CRBN: variants seen among roughly 807,000 people sequenced by gnomAD.
CRBN encodes the protein cereblon.
Under a neutral mutation model 62.2 loss-of-function variants are expected in CRBN, and 53 were observed. That is an observed-to-expected ratio of 0.85 (90% confidence interval 0.68 to 1.07). CRBN has a LOEUF of 1.07. CRBN is among the 50% of genes least tolerant of loss of function. CRBN has a pLI of 0.00. For synonymous variants in CRBN, 208 were observed against 176.1 expected (o/e 1.18, Z -1.43); for missense variants, 616 against 531.1 (o/e 1.16, Z -1.57).
chr3:3,162,589 A>G (rs149581057), intron 5 of CRBN, among the ~76,000 whole-genome samples: 37 of 152,352 alleles, frequency 2.4e-4, no homozygotes, highest in African/African-American at 7.0e-4. Context: ...AGAAGCTTAA[A>G]TAATTTTATT....
chr3:3,167,623 T>TA lies in CRBN; in HGVS notation c.687+10dup. On this transcript the variant is annotated intron_variant, in intron 5 of 10. Transcript: ENST00000231948. Reference sequence around the variant, plus strand: ...CATTTTTTGAAGATGCATAAAAAATTAGTTTCTCACCTTCTGGTATTTCTG... The same window carrying TA: ...CATTTTTTGAAGATGCATAAAAAATTAAGTTTCTCACCTTCTGGTATTTCTG... 1 of 1,611,480 alleles carries TA rather than the reference T, an allele frequency of 6.2e-7. No individual in the cohort carries two copies. The highest frequency in any genetic ancestry group is 2.2e-5 in the East Asian group (1 of 44,748).
rs750807009 is a variant in CRBN, at chr3:3,152,577, A to G, written c.1027T>C (p.Cys343Arg). 1 of 1,614,124 alleles carries G rather than the reference A, an allele frequency of 6.2e-7. No individual in the cohort carries two copies. The highest frequency in any genetic ancestry group is 8.5e-7 in the Non-Finnish European group (1 of 1,180,010). ...TTCACATAAGCTGCCATCGGCCCAC[A>G]TAAGGATAAACTAAAACAAAGAATC... ...TKNEIFSLSL[C>R]GPMAAYVNPH... The change falls in exon 10 of 11, where the codon TGT becomes CGT. Residue 343 changes from cysteine to arginine, a missense_variant. By Grantham distance (180) the Cys-to-Arg change is radical. Transcript: ENST00000231948.
At chr3:3,167,405 A>T (rs911558071) in intron 5 of CRBN, 3 of 461,854 alleles carry the variant, frequency 6.5e-6, no homozygotes, top group South Asian at 2.5e-5. Context: ...ATAGCTGATA[A>T]GCATAATAAC....
At chr3:3,175,019 T>C (rs1376737560) in intron 2 of CRBN, 144 bp downstream of exon 2, 1 of 599,838 alleles carries the variant, frequency 1.7e-6, no homozygotes, top group African/African-American at 2.0e-5. Context: ...TACAGTTAAA[T>C]GTTTATCTAC....
intron 4 of CRBN, 129 bp downstream of exon 4, chr3:3,172,647 C>T: frequency 1.0e-6 from 1 of 969,594 alleles, no homozygotes; most frequent in Non-Finnish European, 1.6e-6. Flanking sequence ...TGGGCTATAC[C>T]TTAGAAGGGA....
At chr3:3,165,828 G>A (rs1166097856) in intron 5 of CRBN, among the ~76,000 whole-genome samples, 1 of 152,084 alleles carries the variant, frequency 6.6e-6, no homozygotes, top group Non-Finnish European at 1.5e-5. Context: ...ATATTCAGAT[G>A]ACACATAGGG....
chr3:3,165,049 G>T (rs1374992533), intron 5 of CRBN, among the ~76,000 whole-genome samples: 5 of 152,106 alleles, frequency 3.3e-5, no homozygotes, highest in African/African-American at 1.2e-4. Context: ...GATTTTGAGG[G>T]TTTCAAGCCT....
intron 6 of CRBN, 147 bp from the exon 7 acceptor site, chr3:3,154,978 T>C (rs1706818571): frequency 3.1e-6 from 2 of 653,464 alleles, no homozygotes; most frequent in African/African-American, 1.8e-5. Context: ...CATTTTCGTA[T>C]GCAGCAATGA....
intron 10 of CRBN, among the ~76,000 whole-genome samples, chr3:3,151,311 C>T (rs113024996): frequency 6.6e-5 from 10 of 152,090 alleles, no homozygotes; most frequent in Admixed American, 6.5e-5. Flanking sequence ...TTAAGAATTT[C>T]TTTATAGAAA....
chr3:3,163,800 C>G (rs7631493), intron 5 of CRBN, among the ~76,000 whole-genome samples: 1 of 152,160 alleles, frequency 6.6e-6, no homozygotes, highest in Admixed American at 6.5e-5. Context: ...CTGTGATTCA[C>G]AGATACTGCC....
chr3:3,161,507 G>A (rs1237067289), intron 5 of CRBN, among the ~76,000 whole-genome samples: 1 of 152,138 alleles, frequency 6.6e-6, no homozygotes, highest in African/African-American at 2.4e-5. Context: ...TCCTGCCTCA[G>A]CGTCCCAAGT....
chr3:3,160,738 C>A (rs978218261), intron 5 of CRBN, among the ~76,000 whole-genome samples: 2 of 152,178 alleles, frequency 1.3e-5, no homozygotes, highest in Admixed American at 6.5e-5. Context: ...CAGTGAGGGG[C>A]TTACCAGCCC....
At chr3:3,177,793 A>G (rs75589533) in intron 1 of CRBN, among the ~76,000 whole-genome samples, 4,217 of 152,198 alleles carry the variant, frequency 0.028, 192 homozygotes, top group African/African-American at 0.096. Flanking sequence ...TTAATGTTTC[A>G]TTTGCCTAGG....
chr3:3,158,843 C>T (rs867793602), intron 5 of CRBN, among the ~76,000 whole-genome samples: 3 of 152,112 alleles, frequency 2.0e-5, no homozygotes, highest in East Asian at 1.9e-4. Context: ...AGGGTTTGGC[C>T]GTGTCCCCAC....
chr3:3,154,259 A>G, intron 7 of CRBN, 184 bp from the exon 8 acceptor site: 1 of 585,964 alleles, frequency 1.7e-6, no homozygotes, highest in South Asian at 2.0e-5. Flanking sequence ...TCTAAATTTA[A>G]TTGCTTTTCT....
At chr3:3,174,371 T>C (rs1707746127) in intron 2 of CRBN, 110 bp from the exon 3 acceptor site, 2 of 890,962 alleles carry the variant, frequency 2.2e-6, no homozygotes, top group Admixed American at 2.0e-5. Context: ...CCGGGCACAG[T>C]GGCTCACACC....
chr3:3,174,873 T>C (rs1461662025), intron 2 of CRBN, among the ~76,000 whole-genome samples: 4 of 152,164 alleles, frequency 2.6e-5, no homozygotes, highest in African/African-American at 9.6e-5. Flanking sequence ...AAGTATAAAA[T>C]GTTAGTATGT....
chr3:3,152,313 C>T lies in CRBN; in HGVS notation c.1148+143G>A, dbSNP rs557080038. On this transcript the variant is annotated intron_variant, in intron 10 of 10. Transcript: ENST00000231948. ...GAGTACAGACCCCTGCCCCCATACC[C>T]GGCTAATTTTTGTAGCAAATTACTC... is the stretch of plus-strand genomic sequence containing the variant. 66 of 894,370 alleles carry T rather than the reference C, an allele frequency of 7.4e-5. 1 individual carries two copies. Among genetic ancestry groups the T allele is most frequent in the South Asian group, 5.5e-4 (34 of 61,346 alleles). 55.4% of individuals were successfully genotyped at this position (894,370 alleles called of 1,614,324 possible). A position where few individuals can be genotyped will look rare whatever the true frequency, so the allele number is the denominator to read the frequency against.
chr3:3,175,376 G>GTTT, intron 1 of CRBN, 107 bp from the exon 2 acceptor site: 1 of 828,672 alleles, frequency 1.2e-6, no homozygotes, highest in Non-Finnish European at 2.0e-6. Context: ...CATGCATTTG[G>GTTT]TAAACTCTAC....
Sources: gnomAD v4.1 joint callset for allele counts (sites outside exome capture counted in the v4.1 genomes callset) on GRCh38, gnomAD v4.1.1 for gene constraint, MANE v1.5 for transcripts, NCBI Gene and HGNC (gene_info 2026-07-23, HGNC 2026-07-21) for gene names.